Variants in APOL2 observed in about 807,000 individuals in gnomAD.
The protein encoded by APOL2 is apolipoprotein L2.
A neutral mutation model predicts 7.1 loss-of-function variants in APOL2; 8 were observed. The observed-to-expected ratio is 1.12, with a 90% CI of 0.66 to 2.03. The LOEUF is 2.03. Ranked by LOEUF, APOL2 falls within the 30% of genes most tolerant of loss-of-function variation. The probability of loss-of-function intolerance (pLI) is 0.00; values close to 1 mark genes in which losing one functional copy is unlikely to be tolerated. For synonymous variants in APOL2, 177 were observed against 159.9 expected (o/e 1.11, Z -0.81); for missense variants, 471 against 415.1 (o/e 1.13, Z -1.17).
At chr22:36,239,091 G>A in intron 1 of APOL2, 1 of 1,149,562 alleles carries the variant, frequency 8.7e-7, no homozygotes, top group Non-Finnish European at 1.1e-6. Context: ...CACCTTCTTT[G>A]ATTCCTTCAA....
At chr22:36,238,148 A>C (rs2146985044) in intron 1 of APOL2, among the ~76,000 whole-genome samples, 1 of 152,222 alleles carries the variant, frequency 6.6e-6, no homozygotes, top group Middle Eastern at 3.4e-3. Context: ...TTGTGTTCCC[A>C]GCTGCACCCC....
rs115939581 is a variant in APOL2 at position 36,236,564 on chromosome 22, C to T, written c.-134+2877G>A. 912 of 985,324 alleles carry T rather than the reference C, an allele frequency of 9.3e-4. 8 individuals are homozygous for T. In the African/African-American group the frequency reaches 0.015, roughly 16 times the overall value. The allele number at this position is 985,324 out of a possible 1,614,324, so 61.0% of individuals were successfully genotyped here. Reference sequence around the variant, plus strand: ...GATTCAGGCCCATCCCAGTTAGGGGCGGCTCCAAAATCACCATTGTTCTTT... The same window carrying T: ...GATTCAGGCCCATCCCAGTTAGGGGTGGCTCCAAAATCACCATTGTTCTTT... On this transcript the variant is annotated intron_variant, in intron 1 of 4. Transcript: ENST00000358502.
chr22:36,228,388 A>G (rs907327761), intron 4 of APOL2, 108 bp from the exon 5 acceptor site: 15 of 1,393,622 alleles, frequency 1.1e-5, no homozygotes, highest in Non-Finnish European at 1.5e-5. Context: ...ACTATCAATC[A>G]AATAGAAACA....
chr22:36,228,286 C>A lies in APOL2; in HGVS notation c.138-6G>T. 6.2e-7 allele frequency: 1 copy of A among 1,609,892 alleles called. No individual in the cohort carries two copies. The highest frequency in any genetic ancestry group is 8.5e-7 in the Non-Finnish European group (1 of 1,177,994). Reference sequence around the variant, plus strand: ...GGAGCTCATCTGCCTCATCCCTGCACAAGGAAAGGTTAAAGGATTAAGAAA... The same window carrying A: ...GGAGCTCATCTGCCTCATCCCTGCAAAAGGAAAGGTTAAAGGATTAAGAAA... On this transcript the variant is annotated splice_polypyrimidine_tract_variant and splice_region_variant and intron_variant, in intron 4 of 4. Transcript: ENST00000358502.
intron 1 of APOL2, 80 bp from the exon 2 acceptor site, chr22:36,233,535 G>C: frequency 7.8e-7 from 1 of 1,275,176 alleles, no homozygotes; most frequent in South Asian, 1.3e-5. Flanking sequence ...CTATACACAG[G>C]AATAGAGATG....
chr22:36,227,191 C>T lies in APOL2; in HGVS notation c.*213G>A. On this transcript the variant is annotated 3_prime_UTR_variant, in exon 5 of 5. Coordinates refer to ENST00000358502, the MANE Select transcript of APOL2 (RefSeq NM_030882.4). The stretch of plus-strand genomic sequence containing the variant: ...ATTAGCCGGGCGTGGTGGCAGGTGC[C>T]TGTAGTCCCAGCTACTCGGGAGACT... 1 of 510,102 alleles carries T rather than the reference C, an allele frequency of 2.0e-6. No individual in the cohort carries two copies. Among genetic ancestry groups the T allele is most frequent in the South Asian group, 3.7e-5 (1 of 27,242 alleles). 31.6% of individuals were successfully genotyped at this position (510,102 alleles called of 1,614,324 possible).
At position 36,239,444 on chromosome 22, in the gene APOL2, G is replaced by T; in HGVS notation, c.-137C>A. ...GATCACACTATCCCCAACTTACCAA[G>T]GGATCTTCCTCTGACAGAGACTGAG... On this transcript the variant is annotated 5_prime_UTR_variant, in exon 1 of 5. Transcript: ENST00000358502. 6.4e-7 allele frequency: 1 copy of T among 1,551,198 alleles called. No homozygotes were observed. Among genetic ancestry groups the T allele is most frequent in the East Asian group, 2.4e-5 (1 of 41,706 alleles).
chr22:36,236,698 C>G (rs2015415519), intron 1 of APOL2: 1 of 985,248 alleles, frequency 1.0e-6, no homozygotes. Flanking sequence ...TCCTCCAGCT[C>G]TTATACAAAA....
rs129607 is a variant in APOL2 at position 36,226,860 on chromosome 22, T to C, written c.*544A>G. Reference sequence around the variant, plus strand: ...TCCCATTCCCCACACTCTCCAGTCCTCTCTCCTCCCTTATTGCAGGCTCCA... The same window carrying C: ...TCCCATTCCCCACACTCTCCAGTCCCCTCTCCTCCCTTATTGCAGGCTCCA... On this transcript the variant is annotated 3_prime_UTR_variant, in exon 5 of 5. Transcript: ENST00000358502. 0.57 allele frequency: 90,772 copies of C among 159,856 alleles called. 26,430 individuals are homozygous for C. The highest frequency in any genetic ancestry group is 0.96 in the East Asian group (5,887 of 6,128). 9.9% of individuals were successfully genotyped at this position (159,856 alleles called of 1,614,324 possible).
chr22:36,238,833 T>C (rs971235261), intron 1 of APOL2, among the ~76,000 whole-genome samples: 3 of 152,232 alleles, frequency 2.0e-5, no homozygotes, highest in African/African-American at 4.8e-5. Context: ...TGAAGTCCTA[T>C]GATCTGCCTG....
intron 1 of APOL2, 53 bp downstream of exon 1, chr22:36,239,388 G>C (rs2015523352): frequency 6.8e-7 from 1 of 1,466,976 alleles, no homozygotes; most frequent in Middle Eastern, 1.8e-4. Context: ...TTCCCTTATA[G>C]AGCTATTGCA....
chr22:36,233,226 A>G lies in APOL2; in HGVS notation c.-64T>C. On this transcript the variant is annotated 5_prime_UTR_variant, in exon 3 of 5. Transcript: ENST00000358502. ...GCTCTCCAGTCACTGTCCAGACTGG[A>G]AGGTTTTCCTTAACCCTTGAGAACG... The G allele has an allele frequency of 6.2e-7, 1 of 1,614,028 alleles. No individual in the cohort carries two copies. Among genetic ancestry groups the G allele is most frequent in the Non-Finnish European group, 8.5e-7 (1 of 1,179,978 alleles).
chr22:36,231,501 T>A (rs750878786), intron 3 of APOL2, 35 bp from the exon 4 acceptor site: 53 of 1,608,210 alleles, frequency 3.3e-5, no homozygotes, highest in Non-Finnish European at 4.2e-5. Flanking sequence ...GGTTGGAGGA[T>A]AGTGTAGGGG....
intron 1 of APOL2, chr22:36,234,158 T>G (rs2015324844): frequency 6.6e-6 from 1 of 152,224 alleles, no homozygotes; most frequent in African/African-American, 2.4e-5. Context: ...TGCTCACATT[T>G]GAGATTATTT....
rs745953974 is a variant in APOL2 at position 36,239,479 on chromosome 22, A to G, written c.-172T>C. Reference sequence around the variant, plus strand: ...TCTGACAGAGACTGAGCAAGATCCAACTGTTCTGAGCTGTGTGGATCCCAC... The same window carrying G: ...TCTGACAGAGACTGAGCAAGATCCAGCTGTTCTGAGCTGTGTGGATCCCAC... On this transcript the variant is annotated 5_prime_UTR_variant, in exon 1 of 5. Coordinates refer to ENST00000358502, the MANE Select transcript of APOL2 (RefSeq NM_030882.4). 2.5e-5 allele frequency: 39 copies of G among 1,581,790 alleles called. No homozygotes were observed. Among genetic ancestry groups the G allele is most frequent in the African/African-American group, 2.3e-4 (17 of 74,520 alleles).
In APOL2 at chr22:36,227,745, G is replaced by A. The variant is rs768405086; in HGVS notation, c.673C>T (p.Arg225Cys). 8 of 1,614,212 alleles carry A rather than the reference G, an allele frequency of 5.0e-6. No individual in the cohort carries two copies. The highest frequency in any genetic ancestry group is 3.3e-5 in the Admixed American group (2 of 60,028). The change falls in exon 5 of 5, where the codon CGT becomes TGT. Residue 225 changes from arginine to cysteine, a missense_variant. By Grantham distance (180) the Arg-to-Cys change is radical. Transcript: ENST00000358502. The part of the protein sequence containing the change: ...QVTQGIGRNI[R>C]AIRRARANPQ... Reference sequence around the variant, plus strand: ...TTGGCTCTGGCTCGTCTGATGGCACGGATGTTCCTCCCAATCCCTTGTGTG... The same window carrying A: ...TTGGCTCTGGCTCGTCTGATGGCACAGATGTTCCTCCCAATCCCTTGTGTG...
At chr22:36,231,564 A>G (rs1345114234) in intron 3 of APOL2, 98 bp from the exon 4 acceptor site, 1 of 1,441,016 alleles carries the variant, frequency 6.9e-7, no homozygotes, top group Non-Finnish European at 9.6e-7. Flanking sequence ...TTCCTGGACA[A>G]CTGTGATGTG....
chr22:36,235,191 C>G (rs1422239913), intron 1 of APOL2, among the ~76,000 whole-genome samples: 1 of 152,178 alleles, frequency 6.6e-6, no homozygotes, highest in East Asian at 1.9e-4. Context: ...GAGTCTACAC[C>G]AGTGAAAAAA....
At chr22:36,228,542 C>A (rs1435439804) in intron 4 of APOL2, among the ~76,000 whole-genome samples, 1 of 152,160 alleles carries the variant, frequency 6.6e-6, no homozygotes, top group Non-Finnish European at 1.5e-5. Context: ...GATAAAGATG[C>A]CTCCTCACTC....
Sources: allele counts gnomAD v4.1 joint callset (sites outside exome capture counted in the v4.1 genomes callset), GRCh38; gene constraint gnomAD v4.1.1; transcripts MANE v1.5; gene names NCBI Gene and HGNC (gene_info 2026-07-23, HGNC 2026-07-21).